Variants in TNKS observed in about 807,000 individuals in gnomAD.
TNKS encodes tankyrase.
A neutral mutation model predicts 135.8 loss-of-function variants in TNKS; 72 were observed. That is an observed-to-expected ratio of 0.53 (90% CI 0.44 to 0.64). The LOEUF (loss-of-function observed/expected upper bound fraction) is 0.64, where lower values mean the gene tolerates loss of function less well. TNKS is among the 30% of genes least tolerant of loss of function. The pLI is 0.00. For missense variants in TNKS, 1,769 were observed against 1,674.0 expected (o/e 1.06, Z -0.99); for synonymous variants, 849 against 649.3 (o/e 1.31, Z -4.68).
rs574748577 is a variant in TNKS, at chr8:9,720,562, C to G, written c.1921+17C>G. 53 of 1,590,986 alleles carry G rather than the reference C, an allele frequency of 3.3e-5. No homozygotes were observed. The South Asian group carries it at 5.2e-4, about 16-fold the overall frequency. Reference sequence around the variant, plus strand: ...TTCTGAGTGGTGAGTTAAAATAGACCAACAGGGCATTTTATGTTTTCTCTT... The same window carrying G: ...TTCTGAGTGGTGAGTTAAAATAGACGAACAGGGCATTTTATGTTTTCTCTT... On this transcript the variant is annotated intron_variant, in intron 12 of 26. Coordinates refer to ENST00000310430, the MANE Select transcript of TNKS (RefSeq NM_003747.3).
chr8:9,636,037 AG>A (rs1800497141), intron 3 of TNKS, among the ~76,000 whole-genome samples: 1 of 152,240 alleles, frequency 6.6e-6, no homozygotes, highest in Non-Finnish European at 1.5e-5. Context: ...ACATGAAAAA[AG>A]TATTGTTTTT....
At chr8:9,664,271 C>A in intron 3 of TNKS, among the ~76,000 whole-genome samples, 1 of 152,244 alleles carries the variant, frequency 6.6e-6, no homozygotes, top group Middle Eastern at 3.4e-3. Context: ...GCAAAGACGA[C>A]ATGGCAAGGG....
chr8:9,716,463 G>C (rs1459970401), intron 11 of TNKS, among the ~76,000 whole-genome samples: 1 of 152,048 alleles, frequency 6.6e-6, no homozygotes, highest in Non-Finnish European at 1.5e-5. Context: ...ACTCAATCTA[G>C]ATTAAACACA....
intron 2 of TNKS, among the ~76,000 whole-genome samples, chr8:9,594,649 A>G (rs975831645): frequency 3.3e-5 from 5 of 152,154 alleles, no homozygotes; most frequent in African/African-American, 9.7e-5. Context: ...GAATATTTTT[A>G]TATAATCTCA....
At chr8:9,743,921 A>T (rs996579636) in intron 17 of TNKS, among the ~76,000 whole-genome samples, 4 of 152,206 alleles carry the variant, frequency 2.6e-5, no homozygotes, top group African/African-American at 7.2e-5. Context: ...GACTAGGCTG[A>T]GGATGAAATA....
rs1233327075 is a variant in TNKS at position 9,556,331 on chromosome 8, C to T, written c.392C>T (p.Ser131Phe). The T allele has an allele frequency of 1.2e-6, 2 of 1,614,150 alleles. No individual in the cohort carries two copies. The highest frequency in any genetic ancestry group is 1.7e-5 in the Admixed American group (1 of 60,014). Residue 131 changes from serine (S) to phenylalanine (F), a missense_variant, in exon 1 of 27, where the codon TCC becomes TTC. Physicochemically the swap from Ser to Phe is radical, Grantham distance 155. Around this residue, in one of 5 missense-constraint regions of TNKS, gnomAD observed 450 missense variants for 304.9 expected, o/e 1.48. Transcript: ENST00000310430. Reference protein sequence around the residue: ...AGSGSNNSPSSSSSPTSSSSS... With the variant: ...AGSGSNNSPSFSSSPTSSSSS... Reference sequence around the variant, plus strand: ...AGTGGCAGTAACAATTCACCGTCGTCCTCTTCTTCCCCGACTTCTTCCTCA... The same window carrying T: ...AGTGGCAGTAACAATTCACCGTCGTTCTCTTCTTCCCCGACTTCTTCCTCA...
At chr8:9,589,835 C>A (rs1798525754) in intron 2 of TNKS, among the ~76,000 whole-genome samples, 1 of 152,232 alleles carries the variant, frequency 6.6e-6, no homozygotes, top group South Asian at 2.1e-4. Flanking sequence ...CAACGAAGAT[C>A]TTAATACTCT....
intron 11 of TNKS, among the ~76,000 whole-genome samples, chr8:9,710,861 A>C (rs532835451): frequency 6.6e-6 from 1 of 152,026 alleles, no homozygotes; most frequent in South Asian, 2.1e-4. Flanking sequence ...GCGCCACTAC[A>C]CTCCAGCCTG....
At chr8:9,607,082 C>G (rs1032546847) in intron 2 of TNKS, among the ~76,000 whole-genome samples, 4 of 152,008 alleles carry the variant, frequency 2.6e-5, no homozygotes, top group African/African-American at 9.7e-5. Flanking sequence ...GAGCGTTCCA[C>G]AGAGCTTTTA....
At chr8:9,669,664 G>A (rs1802179545) in intron 3 of TNKS, among the ~76,000 whole-genome samples, 1 of 152,170 alleles carries the variant, frequency 6.6e-6, no homozygotes, top group Non-Finnish European at 1.5e-5. Context: ...GATTCAGCTT[G>A]GACTTAATGG....
At chr8:9,574,385 A>T (rs1797865785) in intron 1 of TNKS, among the ~76,000 whole-genome samples, 1 of 151,674 alleles carries the variant, frequency 6.6e-6, no homozygotes, top group African/African-American at 2.4e-5. Flanking sequence ...TAACCTATCC[A>T]TTTTTCTCTT....
intron 1 of TNKS, among the ~76,000 whole-genome samples, chr8:9,560,479 A>G (rs1262772664): frequency 9.1e-6 from 1 of 109,464 alleles, no homozygotes; most frequent in Non-Finnish European, 1.9e-5. Context: ...ATTTTTCAGC[A>G]TGGCCATACT....
At chr8:9,587,126 C>G (rs1798410656) in intron 2 of TNKS, among the ~76,000 whole-genome samples, 1 of 151,766 alleles carries the variant, frequency 6.6e-6, no homozygotes. Context: ...ATTTTGGTTG[C>G]TAATCAGTTA....
At chr8:9,773,671 G>T (rs1161458044) in intron 26 of TNKS, among the ~76,000 whole-genome samples, 1 of 151,972 alleles carries the variant, frequency 6.6e-6, no homozygotes, top group African/African-American at 2.4e-5. Flanking sequence ...AATTTAGTCA[G>T]AGTGTCTCAT....
At chr8:9,578,079 C>T (rs1356134188) in intron 1 of TNKS, among the ~76,000 whole-genome samples, 1 of 152,216 alleles carries the variant, frequency 6.6e-6, no homozygotes, top group Non-Finnish European at 1.5e-5. Flanking sequence ...CCAGGCCACA[C>T]CAACACAAGG....
chr8:9,590,775 T>C (rs1216597955), intron 2 of TNKS, among the ~76,000 whole-genome samples: 1 of 152,256 alleles, frequency 6.6e-6, no homozygotes, highest in Non-Finnish European at 1.5e-5. Flanking sequence ...CTTTTCATTA[T>C]TGAGTTATGA....
chr8:9,669,425 A>G (rs1186197320), intron 3 of TNKS, among the ~76,000 whole-genome samples: 1 of 8,268 alleles, frequency 1.2e-4, no homozygotes, highest in Non-Finnish European at 2.6e-4. Context: ...ACTCCGCCTC[A>G]AAAAAAAAAA....
intron 3 of TNKS, among the ~76,000 whole-genome samples, chr8:9,630,682 A>G (rs1800256773): frequency 6.6e-6 from 1 of 152,242 alleles, no homozygotes; most frequent in Non-Finnish European, 1.5e-5. Context: ...CTCCAATAAT[A>G]GCCTTTGTTA....
At chr8:9,718,208 G>GA (rs953814494) in intron 11 of TNKS, among the ~76,000 whole-genome samples, 1 of 151,742 alleles carries the variant, frequency 6.6e-6, no homozygotes, top group Non-Finnish European at 1.5e-5. Flanking sequence ...TGTGGTTTGA[G>GA]AAAAAAAATG....
Sources: allele counts gnomAD v4.1 joint callset (sites outside exome capture counted in the v4.1 genomes callset), GRCh38; gene constraint gnomAD v4.1.1; regional missense constraint gnomAD v4.1.1; transcripts MANE v1.5; gene names NCBI Gene and HGNC (gene_info 2026-07-23, HGNC 2026-07-21).